ROS1: variants seen among roughly 807,000 people sequenced by gnomAD.
ROS1 encodes ROS proto-oncogene 1, receptor tyrosine kinase, also known as proto-oncogene tyrosine-protein kinase ROS.
In ROS1, 263 loss-of-function variants were observed where a neutral mutation model predicts 273.5. That is an observed-to-expected ratio of 0.96 (90% CI 0.87 to 1.06). The LOEUF is 1.06. Among genes scored for constraint, ROS1 ranks in the 50% least tolerant of loss-of-function variants. The pLI, the probability that ROS1 is intolerant of heterozygous loss-of-function variation, is 0.00. For synonymous variants in ROS1, 1,008 were observed against 954.1 expected, an observed-to-expected ratio of 1.06 and a Z score of -1.04; for missense variants, 2,833 against 2,751.1, an observed-to-expected ratio of 1.03 and a Z score of -0.67.
At chr6:117,406,293 T>C (rs1774398563) in intron 5 of ROS1, among the ~76,000 whole-genome samples, 1 of 152,150 alleles carries the variant, frequency 6.6e-6, no homozygotes, top group South Asian at 2.1e-4. Context: ...TTTTCCATCA[T>C]GTGAAAAGAG....
At chr6:117,379,313 A>G (rs1771923659) in intron 17 of ROS1, among the ~76,000 whole-genome samples, 154 bp from the exon 18 acceptor site, 1 of 152,194 alleles carries the variant, frequency 6.6e-6, no homozygotes, top group Admixed American at 6.5e-5. Context: ...TAAAACTTAT[A>G]TGATTATGCT....
chr6:117,425,486 T>C (rs1305124856), intron 1 of ROS1, 48 bp downstream of exon 1: 1 of 1,530,246 alleles, frequency 6.5e-7, no homozygotes, highest in African/African-American at 1.4e-5. Context: ...AGCTGAATGC[T>C]ACATGTTCTA....
chr6:117,290,828 A>C (rs539141795), intron 43 of ROS1, among the ~76,000 whole-genome samples: 203 of 152,132 alleles, frequency 1.3e-3, no homozygotes, highest in Non-Finnish European at 2.8e-3. Context: ...AAGCACCCCC[A>C]CTTCTTTGCT....
intron 43 of ROS1, among the ~76,000 whole-genome samples, chr6:117,298,339 TA>T (rs985063771): frequency 1.3e-5 from 2 of 152,174 alleles, no homozygotes; most frequent in Non-Finnish European, 2.9e-5. Flanking sequence ...AAATTTATTT[TA>T]AAAAAAAGAG....
At chr6:117,288,910 A>G (rs901201774) in intron 43 of ROS1, 108 bp from the exon 44 acceptor site, 32 of 897,758 alleles carry the variant, frequency 3.6e-5, no homozygotes, top group Non-Finnish European at 4.9e-6. Context: ...ACATTTGTTC[A>G]GCAAACATTT....
intron 18 of ROS1, among the ~76,000 whole-genome samples, chr6:117,372,933 G>A (rs1365363839): frequency 6.6e-6 from 1 of 152,154 alleles, no homozygotes; most frequent in African/African-American, 2.4e-5. Flanking sequence ...ATTTTACAGA[G>A]AGCTGATTGG....
At chr6:117,314,951 T>G (rs944125818) in intron 39 of ROS1, among the ~76,000 whole-genome samples, 25 of 152,068 alleles carry the variant, frequency 1.6e-4, no homozygotes, top group African/African-American at 5.6e-4. Flanking sequence ...TTGAGAAAGA[T>G]TCTCACATTG....
chr6:117,422,367 T>C (rs920658113), intron 1 of ROS1, among the ~76,000 whole-genome samples: 2 of 152,214 alleles, frequency 1.3e-5, no homozygotes, highest in African/African-American at 4.8e-5. Context: ...CTGGCAGTTA[T>C]GTAGGAATTT....
intron 18 of ROS1, among the ~76,000 whole-genome samples, chr6:117,377,805 A>G (rs1277773824): frequency 9.9e-5 from 15 of 152,212 alleles, no homozygotes; most frequent in Non-Finnish European, 1.8e-4. Context: ...ACATATTTTG[A>G]CAAAGTGCTT....
chr6:117,323,301 T>C (rs1446820895), intron 35 of ROS1, among the ~76,000 whole-genome samples: 1 of 152,162 alleles, frequency 6.6e-6, no homozygotes, highest in Non-Finnish European at 1.5e-5. Context: ...TCCAATCACT[T>C]TGCAGAAAGA....
intron 27 of ROS1, among the ~76,000 whole-genome samples, chr6:117,350,571 C>T (rs9489137): frequency 0.28 from 42,761 of 151,512 alleles, 6,321 homozygotes; most frequent in African/African-American, 0.38. Flanking sequence ...CAAATATTTC[C>T]TCCAAATATT....
At position 117,319,796 on chromosome 6, in the gene ROS1, A is replaced by G. The variant is rs1039027951; in HGVS notation, c.5922+72T>C. The G allele has an allele frequency of 2.2e-6, 3 of 1,363,620 alleles. No individual in the cohort carries two copies. In the African/African-American group the frequency reaches 4.3e-5, roughly 20 times the overall value. 84.5% of individuals were successfully genotyped at this position (1,363,620 alleles called of 1,614,324 possible). On this transcript the variant is annotated intron_variant, in intron 37 of 43. Coordinates refer to ENST00000368507, the MANE Select transcript of ROS1 (RefSeq NM_001378902.1). ...CAACAAAGAGCACTCAACTTTTATT[A>G]TAATTATATCCAGGTCAATCTTTGT... is the stretch of plus-strand genomic sequence containing the variant.
rs1369462262 is a variant in ROS1 at position 117,404,135 on chromosome 6, G to A, written c.465+145C>T. The A allele has an allele frequency of 5.6e-6, 4 of 716,536 alleles. No homozygotes were observed. The East Asian group carries it at 1.2e-4, about 21-fold the overall frequency. 44.4% of individuals were successfully genotyped at this position (716,536 alleles called of 1,614,324 possible). On this transcript the variant is annotated intron_variant, in intron 6 of 43. Coordinates refer to ENST00000368507, the MANE Select transcript of ROS1 (RefSeq NM_001378902.1). ...CTGTGGGCGGCTGAGGCAGGAGAAT[G>A]GTGTGAACCCAAGAGGCGGAGCTTG...
chr6:117,407,911 A>T (rs529611856), intron 5 of ROS1, among the ~76,000 whole-genome samples: 1 of 152,324 alleles, frequency 6.6e-6, no homozygotes, highest in African/African-American at 2.4e-5. Flanking sequence ...ATAATGCCAC[A>T]TATCTACAAC....
At chr6:117,297,576 TATCAAAAGAAGACATACAACTG>T (rs1484969577) in intron 43 of ROS1, among the ~76,000 whole-genome samples, 1 of 152,144 alleles carries the variant, frequency 6.6e-6, no homozygotes, top group African/African-American at 2.4e-5. Flanking sequence ...ATAGATGTTT[TATCAAAAGAAGACATACAACTG>T]ACCAACAGGT....
rs150006410 is a variant in ROS1 at position 117,364,437 on chromosome 6, A to G, written c.3103+623T>C. On this transcript the variant is annotated intron_variant, in intron 21 of 43. Transcript: ENST00000368507. ...ACTTAGTAACTATTTTATTTGGGCA[A>G]CTACTAGGCTTTCATTTTCTTTCTT... Among the ~76,000 whole-genome samples, 1,163 of 152,308 alleles carry G rather than the reference A, an allele frequency of 7.6e-3. 12 individuals are homozygous for G. The highest frequency in any genetic ancestry group is 0.026 in the African/African-American group (1,092 of 41,564).
At chr6:117,299,484 G>A (rs1774513076) in intron 43 of ROS1, 1 of 152,158 alleles carries the variant, frequency 6.6e-6, no homozygotes, top group Admixed American at 6.5e-5. Context: ...CCCTCCTCAA[G>A]TTGAAAACTT....
At chr6:117,415,871 C>A (rs1445237327) in intron 3 of ROS1, among the ~76,000 whole-genome samples, 1 of 152,046 alleles carries the variant, frequency 6.6e-6, no homozygotes, top group Admixed American at 6.6e-5. Context: ...CAGGCTCCAC[C>A]CAAGACCTAT....
Position 117,379,141 on chromosome 6 carries a change from C to G in ROS1, c.2500G>C (p.Asp834His), listed in dbSNP as rs780718091. The change falls in exon 18 of 44, where the codon GAC becomes CAC. Residue 834 changes from aspartate (D) to histidine (H), a missense_variant. Asp to His is a moderately conservative substitution (Grantham distance 81, BLOSUM62 -1). Transcript: ENST00000368507. ...SGKKVIALTL[D>H]LSDGLLYWLV... ...CAATACAGGAGCCCATCACTGAGGT[C>G]TAAAGTTAGAGCAATTACCTAAGTA... The G allele has an allele frequency of 6.2e-7, 1 of 1,611,074 alleles. No individual in the cohort carries two copies. The highest frequency in any genetic ancestry group is 8.5e-7 in the Non-Finnish European group (1 of 1,177,530).
Sources: allele counts gnomAD v4.1 joint callset (sites outside exome capture counted in the v4.1 genomes callset), GRCh38; gene constraint gnomAD v4.1.1; transcripts MANE v1.5; gene names NCBI Gene and HGNC (gene_info 2026-07-23, HGNC 2026-07-21).